Variants in NRXN3 observed in about 807,000 individuals in gnomAD.
The protein encoded by NRXN3 is neurexin III.
In NRXN3, 32 loss-of-function variants were observed where a neutral mutation model predicts 137.6. The ratio of observed to expected loss-of-function variants is 0.23; its 90% CI spans 0.18 to 0.31. The LOEUF (loss-of-function observed/expected upper bound fraction) is 0.31, where lower values mean the gene tolerates loss of function less well. Ranked by LOEUF, NRXN3 falls within the 10% of genes least tolerant of loss-of-function variation. The pLI is 1.00. For missense variants in NRXN3, 1,574 were observed against 2,062.5 expected, an observed-to-expected ratio of 0.76 and a Z score of 4.59; for synonymous variants, 798 against 784.5, an observed-to-expected ratio of 1.02 and a Z score of -0.29.
chr14:79,028,944 T>C (rs377551033), intron 15 of NRXN3, among the ~76,000 whole-genome samples: 1 of 151,994 alleles, frequency 6.6e-6, no homozygotes, highest in Non-Finnish European at 1.5e-5. Flanking sequence ...AGAGAAAGCA[T>C]TGGGATGGGG....
chr14:78,760,269 C>T (rs909295946), intron 8 of NRXN3, among the ~76,000 whole-genome samples: 14 of 150,282 alleles, frequency 9.3e-5, no homozygotes, highest in African/African-American at 2.9e-4. Context: ...TTTGAACTCC[C>T]GACCTCAGGT....
chr14:78,467,391 A>C (rs1423904345), intron 4 of NRXN3, among the ~76,000 whole-genome samples: 2 of 152,262 alleles, frequency 1.3e-5, no homozygotes, highest in African/African-American at 4.8e-5. Context: ...TAAACAACAC[A>C]AGCACAATAA....
chr14:79,344,872 C>G (rs549295604), intron 15 of NRXN3, among the ~76,000 whole-genome samples: 6 of 152,218 alleles, frequency 3.9e-5, no homozygotes, highest in Admixed American at 6.5e-5. Flanking sequence ...ACCTAAGTTC[C>G]AGAATTCAAT....
chr14:79,741,107 C>G (rs563925399), intron 19 of NRXN3, among the ~76,000 whole-genome samples: 1 of 151,914 alleles, frequency 6.6e-6, no homozygotes, highest in Admixed American at 6.6e-5. Flanking sequence ...ATTTAATTGA[C>G]GTATCTTCTT....
chr14:78,609,414 T>G (rs1054068234), intron 4 of NRXN3, among the ~76,000 whole-genome samples: 1 of 152,168 alleles, frequency 6.6e-6, no homozygotes, highest in Non-Finnish European at 1.5e-5. Flanking sequence ...ACCCAGGTCC[T>G]GGCAAAAACG....
rs116166319 is a variant in NRXN3 at position 78,780,383 on chromosome 14, G to A, written c.2045-23237G>A. 4.6e-3 allele frequency among the ~76,000 whole-genome samples: 693 copies of A among 151,948 alleles called. 9 individuals are homozygous for A. The highest frequency in any genetic ancestry group is 0.016 in the African/African-American group (666 of 41,446). ...AGAAAATAATGGTGATTAGCTTTAC[G>A]ACCTATGTATGGGAAAGATTTCTTA... On this transcript the variant is annotated intron_variant, in intron 8 of 20. Coordinates refer to ENST00000335750, the MANE Select transcript of NRXN3 (RefSeq NM_001330195.2).
chr14:79,684,622 T>C (rs530858768), intron 17 of NRXN3, among the ~76,000 whole-genome samples: 1 of 152,196 alleles, frequency 6.6e-6, no homozygotes, highest in Non-Finnish European at 1.5e-5. Flanking sequence ...ACAATGTTCC[T>C]GTGTTGTGCA....
chr14:79,183,715 G>A (rs878915898), intron 15 of NRXN3, among the ~76,000 whole-genome samples: 9 of 152,076 alleles, frequency 5.9e-5, no homozygotes, highest in Non-Finnish European at 1.0e-4. Flanking sequence ...GCCAAAGCCC[G>A]GCTCACTGCT....
chr14:79,155,252 C>T (rs370664302), intron 15 of NRXN3, among the ~76,000 whole-genome samples: 2 of 151,860 alleles, frequency 1.3e-5, no homozygotes, highest in African/African-American at 4.8e-5. Flanking sequence ...CCTTAAAATA[C>T]ATTTAGCTTT....
At chr14:78,187,606 C>T (rs1013136879) in intron 1 of NRXN3, among the ~76,000 whole-genome samples, 33 of 152,098 alleles carry the variant, frequency 2.2e-4, no homozygotes, top group Admixed American at 2.0e-3. Flanking sequence ...ACAGTAATAA[C>T]GATGGCCAAA....
chr14:78,883,599 T>C (rs1026590653), intron 10 of NRXN3, among the ~76,000 whole-genome samples: 2 of 152,242 alleles, frequency 1.3e-5, no homozygotes, highest in Non-Finnish European at 2.9e-5. Flanking sequence ...TCCTCTTATG[T>C]TTCTATTGGT....
At chr14:79,717,517 G>T (rs1303532908) in intron 19 of NRXN3, among the ~76,000 whole-genome samples, 1 of 152,142 alleles carries the variant, frequency 6.6e-6, no homozygotes, top group East Asian at 1.9e-4. Flanking sequence ...TAATTACTTT[G>T]CACTTTTTTT....
intron 10 of NRXN3, among the ~76,000 whole-genome samples, chr14:78,928,112 C>T (rs1039914749): frequency 5.3e-5 from 8 of 152,114 alleles, no homozygotes; most frequent in African/African-American, 1.7e-4. Flanking sequence ...GGGTTGTTAA[C>T]CAGCTTTCCT....
intron 15 of NRXN3, among the ~76,000 whole-genome samples, chr14:79,337,433 T>G (rs1429399985): frequency 6.6e-6 from 1 of 152,196 alleles, no homozygotes; most frequent in East Asian, 1.9e-4. Flanking sequence ...CCCTCACAGA[T>G]GCAGGAGCTG....
chr14:79,056,204 A>G (rs1221069451), intron 15 of NRXN3, among the ~76,000 whole-genome samples: 2 of 152,208 alleles, frequency 1.3e-5, no homozygotes, highest in Admixed American at 1.3e-4. Flanking sequence ...AATAGCTAAC[A>G]GTTAAAAAAG....
chr14:78,767,777 G>C (rs2098713644), intron 8 of NRXN3, among the ~76,000 whole-genome samples: 1 of 152,136 alleles, frequency 6.6e-6, no homozygotes, highest in African/African-American at 2.4e-5. Flanking sequence ...GTCAGTGTCA[G>C]AAAGTGTTAT....
chr14:79,273,064 C>T (rs898501573), intron 15 of NRXN3, among the ~76,000 whole-genome samples: 6 of 148,844 alleles, frequency 4.0e-5, no homozygotes, highest in Middle Eastern at 3.7e-3. Flanking sequence ...TCCCGCTACT[C>T]GGGAGGATGA....
intron 10 of NRXN3, among the ~76,000 whole-genome samples, chr14:78,826,941 A>G (rs2098968328): frequency 6.6e-6 from 1 of 152,202 alleles, no homozygotes; most frequent in Non-Finnish European, 1.5e-5. Context: ...AACGTTTAAG[A>G]GACTGAAGTC....
intron 19 of NRXN3, among the ~76,000 whole-genome samples, chr14:79,785,574 A>G (rs1284937700): frequency 6.6e-6 from 1 of 152,138 alleles, no homozygotes; most frequent in Non-Finnish European, 1.5e-5. Context: ...CATCCCACTC[A>G]GAATCTATCT....
Sources: allele counts gnomAD v4.1 joint callset (sites outside exome capture counted in the v4.1 genomes callset), GRCh38; gene constraint gnomAD v4.1.1; transcripts MANE v1.5; gene names NCBI Gene and HGNC (gene_info 2026-07-23, HGNC 2026-07-21).